Variants in CSMD1 observed in about 807,000 individuals in gnomAD.
The protein encoded by CSMD1 is CUB and Sushi multiple domains 1.
CSMD1 carries 213 observed loss-of-function variants against 417.5 expected under a neutral mutation model. The observed-to-expected ratio is 0.51, with a 90% CI of 0.46 to 0.57. The LOEUF (loss-of-function observed/expected upper bound fraction) is 0.57, where lower values mean the gene tolerates loss of function less well. Ranked by LOEUF, CSMD1 falls within the 20% of genes least tolerant of loss-of-function variation. The pLI is 0.00. For synonymous variants in CSMD1, 2,862 were observed against 1,736.8 expected, an observed-to-expected ratio of 1.65 and a Z score of -16.11; for missense variants, 6,923 against 4,529.7, an observed-to-expected ratio of 1.53 and a Z score of -15.17.
chr8:4,298,754 G>T (rs956387878), intron 3 of CSMD1, among the ~76,000 whole-genome samples: 3 of 151,990 alleles, frequency 2.0e-5, no homozygotes, highest in South Asian at 2.1e-4. Context: ...TAATGTTAAA[G>T]TGATATTTGT....
In CSMD1 at chr8:3,343,272, G is replaced by C. The variant is rs554303124; in HGVS notation, c.3631+22C>G. On this transcript the variant is annotated intron_variant, in intron 23 of 69. Coordinates refer to ENST00000635120, the MANE Select transcript of CSMD1 (RefSeq NM_033225.6). ...TCCTGACAAAATGAAAAAAGAACGT[G>C]ATTAAGTCGTATGTTACTTACTGGT... The C allele has an allele frequency of 4.4e-6, 7 of 1,603,952 alleles. No homozygotes were observed. The East Asian group carries it at 1.3e-4, about 31-fold the overall frequency.
intron 2 of CSMD1, among the ~76,000 whole-genome samples, chr8:4,434,106 A>C (rs568163013): frequency 2.0e-5 from 3 of 152,260 alleles, no homozygotes; most frequent in African/African-American, 7.2e-5. Flanking sequence ...GGGAGGTTGA[A>C]GTGGGCAGAT....
intron 6 of CSMD1, among the ~76,000 whole-genome samples, chr8:3,736,673 T>G (rs1266072041): frequency 2.0e-5 from 3 of 152,190 alleles, no homozygotes; most frequent in Admixed American, 1.3e-4. Flanking sequence ...CTGGCCTGAC[T>G]CAGCTTCCGC....
In CSMD1 at chr8:3,586,792, T is replaced by TG. The variant is rs1563176751; in HGVS notation, c.1098-533_1098-532insC. Among the ~76,000 whole-genome samples the TG allele has an allele frequency of 2.0e-5, 3 of 152,176 alleles. No individual in the cohort carries two copies. The East Asian group carries it at 5.8e-4, about 29-fold the overall frequency. On this transcript the variant is annotated intron_variant, in intron 8 of 69. Coordinates refer to ENST00000635120, the MANE Select transcript of CSMD1 (RefSeq NM_033225.6). ...ATAGGAACAGAATATTTTACTTTTC[T>TG]TTTGTTTGTTTGTTTGTTTTGTTTT...
At chr8:3,292,741 C>A (rs1803671807) in intron 25 of CSMD1, among the ~76,000 whole-genome samples, 1 of 152,134 alleles carries the variant, frequency 6.6e-6, no homozygotes, top group Non-Finnish European at 1.5e-5. Context: ...AGATGGGTTT[C>A]CTGAATAGAG....
chr8:3,010,835 C>G (rs957943164), intron 52 of CSMD1, among the ~76,000 whole-genome samples: 5 of 151,834 alleles, frequency 3.3e-5, no homozygotes, highest in African/African-American at 4.8e-5. Context: ...CCTCCACCTC[C>G]CGGGTTCACG....
intron 2 of CSMD1, among the ~76,000 whole-genome samples, chr8:4,488,932 G>T (rs1326682864): frequency 6.6e-6 from 1 of 152,100 alleles, no homozygotes; most frequent in African/African-American, 2.4e-5. Context: ...TTATTTTTGA[G>T]ACTGAGTCTT....
At chr8:3,212,373 C>T (rs1169433417) in intron 30 of CSMD1, among the ~76,000 whole-genome samples, 2 of 152,076 alleles carry the variant, frequency 1.3e-5, no homozygotes, top group Admixed American at 6.5e-5. Flanking sequence ...AACGTTCTTC[C>T]TCTGTCGATC....
At chr8:3,796,689 T>C (rs1800174044) in intron 5 of CSMD1, among the ~76,000 whole-genome samples, 1 of 150,434 alleles carries the variant, frequency 6.6e-6, no homozygotes, top group African/African-American at 2.4e-5. Flanking sequence ...CATTGGAAGG[T>C]TAGAAAAGAT....
chr8:4,154,468 G>A (rs544089589), intron 3 of CSMD1, among the ~76,000 whole-genome samples: 1 of 152,228 alleles, frequency 6.6e-6, no homozygotes, highest in East Asian at 1.9e-4. Context: ...GGTATCTGTG[G>A]AAGGAGAATG....
At chr8:3,702,820 C>T (rs771892393) in intron 7 of CSMD1, among the ~76,000 whole-genome samples, 1 of 152,180 alleles carries the variant, frequency 6.6e-6, no homozygotes, top group South Asian at 2.1e-4. Context: ...CAGAACGAGA[C>T]TCTGTCTCAA....
At chr8:3,761,138 T>A (rs537158427) in intron 5 of CSMD1, among the ~76,000 whole-genome samples, 1 of 152,336 alleles carries the variant, frequency 6.6e-6, no homozygotes, top group Admixed American at 6.5e-5. Context: ...CTCATGAACA[T>A]GTTTTGAGTT....
intron 1 of CSMD1, among the ~76,000 whole-genome samples, chr8:4,798,320 G>A (rs1310977569): frequency 6.6e-6 from 1 of 152,132 alleles, no homozygotes; most frequent in East Asian, 1.9e-4. Context: ...CTTCATCCAT[G>A]TCCCTACAAA....
intron 23 of CSMD1, among the ~76,000 whole-genome samples, chr8:3,335,651 G>A (rs1807210778): frequency 6.6e-6 from 1 of 152,156 alleles, no homozygotes; most frequent in African/African-American, 2.4e-5. Flanking sequence ...ACTCCAGCCT[G>A]GGTGACAGAG....
intron 12 of CSMD1, among the ~76,000 whole-genome samples, chr8:3,457,070 C>T (rs1816196707): frequency 6.6e-6 from 1 of 151,814 alleles, no homozygotes; most frequent in African/African-American, 2.4e-5. Context: ...CACCTGTATC[C>T]CTCATTCTGC....
At chr8:4,861,673 TA>T (rs1313080980) in intron 1 of CSMD1, among the ~76,000 whole-genome samples, 2 of 152,116 alleles carry the variant, frequency 1.3e-5, no homozygotes, top group Non-Finnish European at 2.9e-5. Flanking sequence ...TTCTACCACA[TA>T]ACAACACAGT....
In CSMD1 at chr8:3,271,955, T is replaced by C. The variant is rs537657320; in HGVS notation, c.4153+12189A>G. Among the ~76,000 whole-genome samples the C allele has an allele frequency of 3.3e-5, 5 of 152,282 alleles. No homozygotes were observed. The South Asian group carries it at 1.0e-3, about 32-fold the overall frequency. On this transcript the variant is annotated intron_variant, in intron 26 of 69. Coordinates refer to ENST00000635120, the MANE Select transcript of CSMD1 (RefSeq NM_033225.6). ...TTTAATTAGATCCCATTTGTCAATT[T>C]TGGCTTTTGTTGCCTTTGCTTTTTG...
At chr8:3,245,161 C>A (rs1379500571) in intron 26 of CSMD1, among the ~76,000 whole-genome samples, 1 of 152,150 alleles carries the variant, frequency 6.6e-6, no homozygotes, top group African/African-American at 2.4e-5. Flanking sequence ...CTATTTTGCC[C>A]TCTCTGTAAA....
At chr8:3,926,090 C>CACACACACACACACAAACACCAT (rs1809673009) in intron 5 of CSMD1, among the ~76,000 whole-genome samples, 2 of 41,592 alleles carry the variant, frequency 4.8e-5, no homozygotes, top group African/African-American at 5.3e-4. Context: ...CATACACACA[C>CACACACACACACACAAACACCAT]ACACACACAC....
Sources: gnomAD v4.1 joint callset for allele counts (sites outside exome capture counted in the v4.1 genomes callset) on GRCh38, gnomAD v4.1.1 for gene constraint, MANE v1.5 for transcripts, NCBI Gene and HGNC (gene_info 2026-07-23, HGNC 2026-07-21) for gene names.